Variants in NEB observed in about 807,000 individuals in gnomAD.
NEB encodes the protein nemaline myopathy type 2.
NEB carries 512 observed loss-of-function variants against 952.2 expected under a neutral mutation model. The observed-to-expected ratio is 0.54, with a 90% CI of 0.50 to 0.58. NEB has a LOEUF of 0.58. Among genes scored for constraint, NEB ranks in the 20% least tolerant of loss-of-function variants. The pLI, the probability that NEB is intolerant of heterozygous loss-of-function variation, is 0.00. For synonymous variants in NEB, 2,900 were observed against 3,149.8 expected (o/e 0.92, Z 2.66); for missense variants, 8,428 against 9,231.1 (o/e 0.91, Z 3.56).
chr2:151,706,910 G>C lies in NEB; in HGVS notation c.1123C>G (p.Leu375Val). The part of the protein sequence containing the change: ...PASENPQLRQ[L>V]KAAGDALSDK... ...CTTAGGGCATCTCCTGCTGCCTTCA[G>C]CTGCCTAAGCTGTGGGTTCTCTGAA... The change falls in exon 13 of 182, where the codon CTG (leucine) becomes GTG (valine). Residue 375 changes from leucine to valine, a missense_variant. Physicochemically the swap from Leu to Val is conservative, Grantham distance 32. This residue lies in a region of NEB where 2,851 missense variants were observed against 2,791.5 expected (regional missense o/e 1.02). Coordinates refer to ENST00000397345, the MANE Select transcript of NEB (RefSeq NM_001164508.2). 2 of 1,605,864 alleles carry C rather than the reference G, an allele frequency of 1.2e-6. No individual in the cohort carries two copies. The highest frequency in any genetic ancestry group is 1.7e-6 in the Non-Finnish European group (2 of 1,175,654).
At chr2:151,524,116 G>T (rs554545811) in intron 153 of NEB, among the ~76,000 whole-genome samples, 195 bp downstream of exon 153, 1 of 152,268 alleles carries the variant, frequency 6.6e-6, no homozygotes, top group South Asian at 2.1e-4. Context: ...GTAAAGTGGA[G>T]AACAAGAAAG....
chr2:151,611,091 C>A (rs1373672295), intron 78 of NEB, among the ~76,000 whole-genome samples: 2 of 152,060 alleles, frequency 1.3e-5, no homozygotes, highest in African/African-American at 4.8e-5. Flanking sequence ...TAATATGAAG[C>A]AATATAATGG....
At chr2:151,532,746 C>CT (rs5835372) in intron 143 of NEB, among the ~76,000 whole-genome samples, 11 of 149,932 alleles carry the variant, frequency 7.3e-5, no homozygotes, top group Admixed American at 1.3e-4. Flanking sequence ...GCTCAATTAA[C>CT]TTTTTTTTTT....
At chr2:151,704,680 C>T (rs962120734) in intron 13 of NEB, among the ~76,000 whole-genome samples, 5 of 152,216 alleles carry the variant, frequency 3.3e-5, no homozygotes, top group Non-Finnish European at 5.9e-5. Flanking sequence ...TGACCCCTTG[C>T]GCTTCCCAAG....
In NEB at chr2:151,496,937, G is replaced by A; in HGVS notation, c.24393+4C>T. On this transcript the variant is annotated splice_donor_region_variant and intron_variant, in intron 172 of 181. Transcript: ENST00000397345. ...GTAGTTTTTTTCTTTTCTTGCCCAA[G>A]TACCGAGCTAATATTTTCTTGATTG... is the stretch of plus-strand genomic sequence containing the variant. 6.4e-7 allele frequency: 1 copy of A among 1,566,496 alleles called. No homozygotes were observed. Among genetic ancestry groups the A allele is most frequent in the Non-Finnish European group, 8.7e-7 (1 of 1,152,488 alleles).
intron 107 of NEB, among the ~76,000 whole-genome samples, chr2:151,574,578 A>G (rs565055664): frequency 2.1e-4 from 32 of 152,202 alleles, no homozygotes; most frequent in African/African-American, 7.7e-4. Context: ...TTCTTGTTCT[A>G]TGGCACTATT....
Position 151,485,939 on chromosome 2 carries a change from C to T in NEB, c.25405-6G>A, listed in dbSNP as rs1280860151. On this transcript the variant is annotated splice_polypyrimidine_tract_variant and splice_region_variant and intron_variant, in intron 181 of 181. Coordinates refer to ENST00000397345, the MANE Select transcript of NEB (RefSeq NM_001164508.2). ...TACATGGCACGGAAGATTTTCTATT[C>T]GTGGGGATGGAAAAGGGGAAATATT... 7 of 1,613,244 alleles carry T rather than the reference C, an allele frequency of 4.3e-6. No homozygotes were observed. Among genetic ancestry groups the T allele is most frequent in the Admixed American group, 1.7e-5 (1 of 59,990 alleles).
intron 9 of NEB, among the ~76,000 whole-genome samples, chr2:151,720,180 T>G (rs1250061915): frequency 6.6e-6 from 1 of 152,076 alleles, no homozygotes; most frequent in Admixed American, 6.6e-5. Flanking sequence ...TTAAAGACTC[T>G]TAGTGTGTGC....
chr2:151,513,706 T>TA lies in NEB; in HGVS notation c.23128-14dup. The TA allele has an allele frequency of 2.6e-6, 4 of 1,535,742 alleles. No homozygotes were observed. The highest frequency in any genetic ancestry group is 3.9e-5 in the Admixed American group (2 of 51,168). ...GCTTATATTCTTTCTATAGTAGCAT[T>TA]AAAAGAAAAAAAAAAGGTACCTAAA... On this transcript the variant is annotated splice_polypyrimidine_tract_variant and intron_variant, in intron 159 of 181. Coordinates refer to ENST00000397345, the MANE Select transcript of NEB (RefSeq NM_001164508.2).
chr2:151,641,462 C>T (rs1163495654), intron 60 of NEB, among the ~76,000 whole-genome samples: 6 of 152,298 alleles, frequency 3.9e-5, no homozygotes, highest in African/African-American at 1.4e-4. Flanking sequence ...TTCTGAGTAG[C>T]TAGCACTACA....
chr2:151,725,317 A>G (rs1392192233), intron 6 of NEB, 136 bp downstream of exon 6: 2 of 741,928 alleles, frequency 2.7e-6, no homozygotes, highest in Admixed American at 5.7e-5. Flanking sequence ...TCTATGGTTC[A>G]TGCTTTTCTA....
chr2:151,601,694 T>C (rs1412202364), intron 88 of NEB, among the ~76,000 whole-genome samples: 1 of 12,582 alleles, frequency 7.9e-5, no homozygotes, highest in East Asian at 2.7e-3. Flanking sequence ...AAAATCAAAA[T>C]CTGTGCTTAA....
chr2:151,667,671 G>T, intron 40 of NEB, 133 bp downstream of exon 40: 1 of 562,224 alleles, frequency 1.8e-6, no homozygotes, highest in East Asian at 3.0e-5. Flanking sequence ...GGAACTACAG[G>T]TACACGCCAC....
At chr2:151,552,507 C>T (rs964375837) in intron 128 of NEB, among the ~76,000 whole-genome samples, 165 bp downstream of exon 128, 1 of 152,222 alleles carries the variant, frequency 6.6e-6, no homozygotes, top group African/African-American at 2.4e-5. Flanking sequence ...CATCAGGTTT[C>T]AGGAAACAAT....
intron 73 of NEB, among the ~76,000 whole-genome samples, 173 bp downstream of exon 73, chr2:151,619,278 T>A (rs187430466): frequency 6.6e-6 from 1 of 152,224 alleles, no homozygotes; most frequent in Non-Finnish European, 1.5e-5. Flanking sequence ...TACAGAGAAC[T>A]TTTGGAGAAG....
intron 32 of NEB, among the ~76,000 whole-genome samples, chr2:151,678,702 G>C (rs1479757530): frequency 6.6e-6 from 1 of 152,082 alleles, no homozygotes; most frequent in Non-Finnish European, 1.5e-5. Flanking sequence ...AACTGGCTCT[G>C]GATAACAAAG....
intron 13 of NEB, among the ~76,000 whole-genome samples, chr2:151,703,964 T>C (rs370313343): frequency 2.3e-5 from 3 of 132,626 alleles, no homozygotes; most frequent in Non-Finnish European, 3.2e-5. Flanking sequence ...AGTTTTTCTG[T>C]TCTGTTTTTT....
rs771985943 is a variant in NEB, at chr2:151,527,496, G to C, written c.21825C>G (p.Ser7275=). The C allele has an allele frequency of 6.2e-7, 1 of 1,612,954 alleles. No homozygotes were observed. The highest frequency in any genetic ancestry group is 1.1e-5 in the South Asian group (1 of 90,844). ...CCTGTCTTACATCGCTTTGCTGCAG[G>C]GATGACTTGGCAGCCTGGAGGAAGT... is the stretch of plus-strand genomic sequence containing the variant. The part of the protein sequence containing the change: ...RPDFLQAAKS[S]LQQSDFEYKL... The change falls in exon 147 of 182, where the codon TCC becomes TCG. Residue 7275 remains serine, a synonymous_variant. Coordinates refer to ENST00000397345, the MANE Select transcript of NEB (RefSeq NM_001164508.2).
intron 153 of NEB, among the ~76,000 whole-genome samples, chr2:151,520,434 ATAAGTT>A (rs947600454): frequency 1.3e-5 from 2 of 152,178 alleles, no homozygotes; most frequent in African/African-American, 4.8e-5. Context: ...ATACATAAAA[ATAAGTT>A]TAGGTAGGCA....
Sources: allele counts gnomAD v4.1 joint callset (sites outside exome capture counted in the v4.1 genomes callset), GRCh38; gene constraint gnomAD v4.1.1; regional missense constraint gnomAD v4.1.1; transcripts MANE v1.5; gene names NCBI Gene and HGNC (gene_info 2026-07-23, HGNC 2026-07-21).